The following HIVEP3 variants were observed in gnomAD, a reference collection of about 807,000 sequenced individuals.
The protein encoded by HIVEP3 is transcription factor HIVEP3.
HIVEP3 carries 49 observed loss-of-function variants against 152.8 expected under a neutral mutation model. The ratio of observed to expected loss-of-function variants is 0.32; its 90% CI spans 0.26 to 0.41. The LOEUF is 0.41. HIVEP3 is among the 10% of genes least tolerant of loss of function. The pLI is 1.00. For missense variants in HIVEP3, 2,790 were observed against 3,103.3 expected, an observed-to-expected ratio of 0.90 and a Z score of 2.40; for synonymous variants, 1,269 against 1,289.0, an observed-to-expected ratio of 0.98 and a Z score of 0.33.
At chr1:41,515,522 C>T (rs1392281058) in intron 7 of HIVEP3, among the ~76,000 whole-genome samples, 1 of 152,162 alleles carries the variant, frequency 6.6e-6, no homozygotes, top group East Asian at 1.9e-4. Context: ...GGGCCTAATT[C>T]AACACCTGTT....
chr1:42,035,017 T>C (rs865849711), intron 1 of HIVEP3, among the ~76,000 whole-genome samples: 1 of 151,996 alleles, frequency 6.6e-6, no homozygotes, highest in South Asian at 2.1e-4. Context: ...TTTTAAAGAG[T>C]TGCCAGACTG....
At chr1:41,648,681 A>C in intron 2 of HIVEP3, among the ~76,000 whole-genome samples, 1 of 152,234 alleles carries the variant, frequency 6.6e-6, no homozygotes, top group East Asian at 1.9e-4. Flanking sequence ...GGGGGGTTAC[A>C]TGAATTTAAA....
intron 6 of HIVEP3, 41 bp from the exon 7 acceptor site, chr1:41,518,529 G>A: frequency 1.3e-6 from 2 of 1,571,286 alleles, no homozygotes; most frequent in East Asian, 2.2e-5. Context: ...CTATGGGGCA[G>A]GAGGCCAGGG....
chr1:41,889,905 C>T (rs975616407), intron 1 of HIVEP3, among the ~76,000 whole-genome samples: 21 of 152,226 alleles, frequency 1.4e-4, no homozygotes, highest in African/African-American at 5.1e-4. Flanking sequence ...CCTAGAAAGG[C>T]AAGTGGCTTG....
At chr1:41,659,709 C>A (rs1645682888) in intron 2 of HIVEP3, among the ~76,000 whole-genome samples, 1 of 152,232 alleles carries the variant, frequency 6.6e-6, no homozygotes, top group South Asian at 2.1e-4. Flanking sequence ...GCTGTCCCAT[C>A]ACATGCAACC....
At chr1:41,661,824 C>A (rs1645717627) in intron 2 of HIVEP3, among the ~76,000 whole-genome samples, 1 of 152,170 alleles carries the variant, frequency 6.6e-6, no homozygotes, top group African/African-American at 2.4e-5. Flanking sequence ...GTGCCAGGCG[C>A]GAGTGTGCCA....
rs1474050479 is a variant in HIVEP3, at chr1:41,662,591, G to A, written c.-720-33644C>T. Among the ~76,000 whole-genome samples, 1 of 151,102 alleles carries A rather than the reference G, an allele frequency of 6.6e-6. No individual in the cohort carries two copies. The highest frequency in any genetic ancestry group is 2.4e-5 in the African/African-American group (1 of 41,300). ...GCAGATGGGCCCGGGCGCGGCTGGC[G>A]GCTGCCAGGGGAGGGTCTCCTCGCC... On this transcript the variant is annotated intron_variant, in intron 2 of 8. Coordinates refer to ENST00000372583, the MANE Select transcript of HIVEP3 (RefSeq NM_024503.5). The surrounding 1 kb of genome is among the most constrained non-coding windows in gnomAD (Gnocchi z 7.2).
intron 1 of HIVEP3, among the ~76,000 whole-genome samples, chr1:41,959,558 G>A (rs1354947672): frequency 6.6e-6 from 1 of 152,216 alleles, no homozygotes; most frequent in Non-Finnish European, 1.5e-5. Flanking sequence ...TAAAAGCATA[G>A]TTAAGGGGCA....
rs764053077 is a variant in HIVEP3 at position 41,582,289 on chromosome 1, C to G, written c.2509G>C (p.Gly837Arg). 1.2e-5 allele frequency: 19 copies of G among 1,613,898 alleles called. No homozygotes were observed. The highest frequency in any genetic ancestry group is 1.6e-5 in the Non-Finnish European group (19 of 1,179,968). Residue 837 changes from glycine (G) to arginine (R), a missense_variant, in exon 4 of 9, where the codon GGA becomes CGA. Physicochemically the swap from Gly to Arg is moderately radical, Grantham distance 125. This residue lies in a region of HIVEP3 where 1,078 missense variants were observed against 1,165.3 expected (regional missense o/e 0.93). Coordinates refer to ENST00000372583, the MANE Select transcript of HIVEP3 (RefSeq NM_024503.5). The surrounding 1 kb of genome is among the most constrained non-coding windows in gnomAD (Gnocchi z 4.7). ...QFPSPPPAPH[G>R]RSAHSLQPKL... is the part of the protein sequence containing the mutation. ...GGCTGCAGGGAGTGAGCAGAGCGTC[C>G]GTGTGGGGCAGGTGGGGGTGATGGG...
intron 5 of HIVEP3, among the ~76,000 whole-genome samples, chr1:41,549,324 C>T (rs893752979): frequency 6.6e-6 from 1 of 152,146 alleles, no homozygotes; most frequent in African/African-American, 2.4e-5. Context: ...AATAATGCCA[C>T]AATAAACATA....
chr1:42,008,599 G>A (rs1458254718), intron 1 of HIVEP3, among the ~76,000 whole-genome samples: 1 of 152,154 alleles, frequency 6.6e-6, no homozygotes, highest in Non-Finnish European at 1.5e-5. Flanking sequence ...TTGATCATTT[G>A]TTGTTTGGCT....
At chr1:41,729,703 G>A (rs1646811199) in intron 1 of HIVEP3, among the ~76,000 whole-genome samples, 1 of 152,252 alleles carries the variant, frequency 6.6e-6, no homozygotes, top group Non-Finnish European at 1.5e-5. Context: ...CTTGGGACCA[G>A]GGCCTCCTGA....
chr1:41,933,968 A>G (rs550363636), intron 1 of HIVEP3, among the ~76,000 whole-genome samples: 22 of 152,110 alleles, frequency 1.4e-4, no homozygotes, highest in African/African-American at 5.3e-4. Flanking sequence ...CTTATCTCAG[A>G]TGTAATGGGA....
intron 1 of HIVEP3, among the ~76,000 whole-genome samples, chr1:41,724,926 A>G (rs1390661350): frequency 6.6e-6 from 1 of 152,222 alleles, no homozygotes; most frequent in African/African-American, 2.4e-5. Context: ...AAGACAAAGA[A>G]TAGCACTGGC....
chr1:41,526,720 C>A (rs531153557), intron 5 of HIVEP3, among the ~76,000 whole-genome samples: 4 of 128,468 alleles, frequency 3.1e-5, no homozygotes, highest in Non-Finnish European at 6.6e-5. Flanking sequence ...CTCACACACA[C>A]CCTCACACAC....
intron 1 of HIVEP3, among the ~76,000 whole-genome samples, chr1:41,702,641 T>C (rs1646379697): frequency 6.6e-6 from 1 of 152,226 alleles, no homozygotes. Context: ...ATTATTAACA[T>C]TAGTATTAAT....
intron 3 of HIVEP3, among the ~76,000 whole-genome samples, chr1:41,614,162 G>A (rs1644935259): frequency 6.6e-6 from 1 of 152,222 alleles, no homozygotes; most frequent in Non-Finnish European, 1.5e-5. Flanking sequence ...GCAGTCTGAG[G>A]TCAGCAGCAG....
At chr1:42,024,694 C>T (rs1645572661) in intron 1 of HIVEP3, among the ~76,000 whole-genome samples, 1 of 152,190 alleles carries the variant, frequency 6.6e-6, no homozygotes. Flanking sequence ...TTTATAAAAT[C>T]CTTAATTCCT....
intron 2 of HIVEP3, among the ~76,000 whole-genome samples, chr1:41,645,861 G>C (rs544096627): frequency 6.6e-6 from 1 of 152,142 alleles, no homozygotes; most frequent in Non-Finnish European, 1.5e-5. Context: ...GTGTGTCCCT[G>C]AGCAAGGCAT....
Sources: gnomAD v4.1 joint callset for allele counts (sites outside exome capture counted in the v4.1 genomes callset) on GRCh38, gnomAD v4.1.1 for gene constraint, gnomAD v4.1.1 regional missense constraint, Gnocchi (gnomAD v3.1) non-coding constraint, MANE v1.5 for transcripts, NCBI Gene and HGNC (gene_info 2026-07-23, HGNC 2026-07-21) for gene names.